Variants in ADGRV1 observed in about 807,000 individuals in gnomAD.
The protein encoded by ADGRV1 is adhesion G protein-coupled receptor V1, also known as G-protein coupled receptor 98.
A neutral mutation model predicts 596.2 loss-of-function variants in ADGRV1; 359 were observed. The ratio of observed to expected loss-of-function variants is 0.60; its 90% CI spans 0.55 to 0.66. The LOEUF is 0.66. Among genes scored for constraint, ADGRV1 ranks in the 30% least tolerant of loss-of-function variants. The pLI, the probability that ADGRV1 is intolerant of heterozygous loss-of-function variation, is 0.00. For synonymous variants in ADGRV1, 2,681 were observed against 2,679.2 expected (o/e 1.00, Z -0.02); for missense variants, 7,274 against 7,575.6 (o/e 0.96, Z 1.48).
chr5:90,961,226 C>T (rs1292727794), intron 83 of ADGRV1, among the ~76,000 whole-genome samples: 3 of 152,062 alleles, frequency 2.0e-5, no homozygotes, highest in Non-Finnish European at 2.9e-5. Context: ...TTTGGCCGCG[C>T]GCAGCGGTTC....
chr5:90,579,632 C>G (rs1757708808), intron 1 of ADGRV1, among the ~76,000 whole-genome samples: 1 of 152,130 alleles, frequency 6.6e-6, no homozygotes, highest in Non-Finnish European at 1.5e-5. Flanking sequence ...CCACTTGGTG[C>G]AGAGCTGAGT....
intron 83 of ADGRV1, among the ~76,000 whole-genome samples, chr5:90,936,823 GT>G (rs989261307): frequency 6.6e-5 from 10 of 151,890 alleles, no homozygotes; most frequent in African/African-American, 9.7e-5. Flanking sequence ...TAAACATATG[GT>G]TTTTTTGCTA....
intron 1 of ADGRV1, chr5:90,614,366 A>C (rs987790945): frequency 7.7e-6 from 2 of 261,398 alleles, no homozygotes; most frequent in South Asian, 7.5e-5. Flanking sequence ...CAAAGAAGAC[A>C]AGTTTAAGGA....
chr5:91,072,420 A>T (rs1356959712), intron 85 of ADGRV1, 27 bp from the exon 86 acceptor site: 1 of 1,597,246 alleles, frequency 6.3e-7, no homozygotes, highest in Non-Finnish European at 8.6e-7. Context: ...AAAGTGTCTG[A>T]GTTACTTCTT....
At chr5:91,025,267 A>G (rs145946407) in intron 85 of ADGRV1, among the ~76,000 whole-genome samples, 1 of 152,284 alleles carries the variant, frequency 6.6e-6, no homozygotes. Flanking sequence ...AAATCACACA[A>G]GTAGTCAAGG....
chr5:90,795,299 G>A (rs565509499), intron 70 of ADGRV1, among the ~76,000 whole-genome samples: 18 of 152,200 alleles, frequency 1.2e-4, no homozygotes, highest in South Asian at 2.1e-4. Flanking sequence ...GACCTGGGAC[G>A]CTCCAGCTTG....
At chr5:90,581,161 T>C (rs1202919676) in intron 1 of ADGRV1, among the ~76,000 whole-genome samples, 3 of 152,224 alleles carry the variant, frequency 2.0e-5, no homozygotes, top group Admixed American at 2.0e-4. Context: ...GTCTAACCTT[T>C]TTTCAAGTTT....
At chr5:90,564,194 C>T (rs1308552547) in intron 1 of ADGRV1, among the ~76,000 whole-genome samples, 2 of 152,076 alleles carry the variant, frequency 1.3e-5, no homozygotes, top group East Asian at 1.9e-4. Flanking sequence ...TTCCAATCTG[C>T]GATTATAAAG....
chr5:91,000,668 CTGTGTGTGTGTG>C (rs6149110), intron 85 of ADGRV1, among the ~76,000 whole-genome samples: 88 of 141,250 alleles, frequency 6.2e-4, no homozygotes, highest in African/African-American at 2.2e-3. Context: ...CTTACAGGAT[CTGTGTGTGTGTG>C]TGTGTGTGTG....
intron 83 of ADGRV1, among the ~76,000 whole-genome samples, chr5:90,915,891 G>A (rs1219592139): frequency 1.3e-5 from 2 of 152,106 alleles, no homozygotes; most frequent in African/African-American, 2.4e-5. Context: ...AAGGCGTTTG[G>A]CCATACCTAA....
intron 85 of ADGRV1, among the ~76,000 whole-genome samples, chr5:91,006,187 C>T (rs73187122): frequency 0.14 from 21,019 of 151,946 alleles, 1,962 homozygotes; most frequent in African/African-American, 0.24. Context: ...AGTTAAAATG[C>T]CATTTTTATA....
In ADGRV1 at chr5:90,721,518, A is replaced by ATAAATTAAAATTAAAAT. The variant is rs1750952462; in HGVS notation, c.9748+463_9748+464insTTAAAATTAAAATTAAA. Among the ~76,000 whole-genome samples the ATAAATTAAAATTAAAAT allele has an allele frequency of 3.1e-5, 3 of 98,010 alleles. No individual in the cohort carries two copies. In the South Asian group the frequency reaches 9.2e-4, roughly 30 times the overall value. The allele number at this position is 98,010 out of a possible 152,430, so 64.3% of individuals were successfully genotyped here. ...GACTTGGTCTAAAAAATAAAATAAAATAAAATAAAAATAAAAATAAAATAA... is the reference window on the plus strand; with the variant it reads ...GACTTGGTCTAAAAAATAAAATAAAATAAATTAAAATTAAAATTAAAATAAAAATAAAAATAAAATAA... On this transcript the variant is annotated intron_variant, in intron 45 of 89. Coordinates refer to ENST00000405460, the MANE Select transcript of ADGRV1 (RefSeq NM_032119.4).
intron 83 of ADGRV1, among the ~76,000 whole-genome samples, chr5:90,938,167 G>A (rs919112475): frequency 2.0e-5 from 3 of 151,998 alleles, no homozygotes; most frequent in African/African-American, 4.8e-5. Context: ...TGAACTGAGA[G>A]TCCCAAACAG....
intron 83 of ADGRV1, among the ~76,000 whole-genome samples, chr5:90,926,500 G>C (rs1463607925): frequency 5.6e-4 from 84 of 151,048 alleles, no homozygotes; most frequent in Admixed American, 6.6e-4. Context: ...ATTTTTTATT[G>C]TGTCTATTTG....
At chr5:90,893,446 G>A (rs905490845) in intron 83 of ADGRV1, among the ~76,000 whole-genome samples, 17 of 152,112 alleles carry the variant, frequency 1.1e-4, no homozygotes, top group African/African-American at 3.9e-4. Flanking sequence ...AGGGGACTAC[G>A]CAAGAGTATA....
chr5:90,697,084 A>G lies in ADGRV1; in HGVS notation c.8093A>G (p.Asn2698Ser), dbSNP rs1182619962. Residue 2698 changes from asparagine (N) to serine (S), a missense_variant, in exon 34 of 90, where the codon AAT becomes AGT. Transcript: ENST00000405460. ...ACTGTTAGAGTGAACATTTTGGCCA[A>G]TGACAATGTGGCAGGAATTGTTAGC... ...SDTVRVNILA[N>S]DNVAGIVSFQ... The G allele has an allele frequency of 1.2e-6, 2 of 1,613,498 alleles. No individual in the cohort carries two copies. Among genetic ancestry groups the G allele is most frequent in the Non-Finnish European group, 1.7e-6 (2 of 1,179,502 alleles).
chr5:91,055,327 A>G (rs1216686333), intron 85 of ADGRV1, among the ~76,000 whole-genome samples: 1 of 152,060 alleles, frequency 6.6e-6, no homozygotes, highest in Non-Finnish European at 1.5e-5. Flanking sequence ...AGTGTCATAT[A>G]TGATTTCTAT....
rs193222107 is a variant in ADGRV1 at position 90,674,109 on chromosome 5, G to A, written c.4985G>A (p.Arg1662His). 52 of 1,613,010 alleles carry A rather than the reference G, an allele frequency of 3.2e-5. No individual in the cohort carries two copies. The highest frequency in any genetic ancestry group is 1.5e-4 in the Admixed American group (9 of 59,926). Residue 1662 changes from arginine (R) to histidine (H), a missense_variant, in exon 23 of 90, where the codon CGT becomes CAT. Physicochemically the swap from Arg to His is conservative, Grantham distance 29. Coordinates refer to ENST00000405460, the MANE Select transcript of ADGRV1 (RefSeq NM_032119.4). The part of the protein sequence containing the change: ...DDIPELNEYF[R>H]VTLVSAIPGD... The stretch of plus-strand genomic sequence containing the variant: ...ATTCCTGAACTTAATGAGTATTTCC[G>A]TGTGACATTGGTTTCTGCAATTCCT...
rs371445061 is a variant in ADGRV1, at chr5:90,576,207, G to T, written c.22+17290G>T. 2.0e-5 allele frequency among the ~76,000 whole-genome samples: 3 copies of T among 152,096 alleles called. No homozygotes were observed. The South Asian group carries it at 6.2e-4, about 32-fold the overall frequency. ...TATACATGTGTCATGTTGGTTTGCT[G>T]CACCCATCAACCCGTCATTTACATT... On this transcript the variant is annotated intron_variant, in intron 1 of 89. Coordinates refer to ENST00000405460, the MANE Select transcript of ADGRV1 (RefSeq NM_032119.4).
Sources: gnomAD v4.1 joint callset for allele counts (sites outside exome capture counted in the v4.1 genomes callset) on GRCh38, gnomAD v4.1.1 for gene constraint, MANE v1.5 for transcripts, NCBI Gene and HGNC (gene_info 2026-07-23, HGNC 2026-07-21) for gene names.